The following FOXP2 variants were observed in gnomAD, a reference collection of about 807,000 sequenced individuals.
The protein encoded by FOXP2 is forkhead box protein P2.
Under a neutral mutation model 115.8 loss-of-function variants are expected in FOXP2, and 12 were observed. That is an observed-to-expected ratio of 0.10 (90% CI 0.07 to 0.17). The LOEUF is 0.17. FOXP2 is among the 10% of genes least tolerant of loss of function. The pLI is 1.00. For missense variants in FOXP2, 629 were observed against 843.5 expected (o/e 0.75, Z 3.15); for synonymous variants, 328 against 297.7 (o/e 1.10, Z -1.05).
intron 8 of FOXP2, among the ~76,000 whole-genome samples, chr7:114,649,049 C>T (rs927344484): frequency 4.6e-5 from 7 of 152,070 alleles, no homozygotes; most frequent in East Asian, 1.9e-4. Flanking sequence ...TGTGTGTAAT[C>T]GCCTTGTTAG....
intron 1 of FOXP2, among the ~76,000 whole-genome samples, chr7:114,120,251 T>C (rs1282402800): frequency 2.6e-5 from 4 of 152,040 alleles, no homozygotes; most frequent in Non-Finnish European, 5.9e-5. Flanking sequence ...ACAGGATAAA[T>C]CAGTGTGGCT....
Position 114,303,014 on chromosome 7 carries a change from G to A in FOXP2, c.-11+14905G>A, listed in dbSNP as rs539277052. On this transcript the variant is annotated intron_variant, in intron 2 of 17. Transcript: ENST00000634411. The stretch of plus-strand genomic sequence containing the variant: ...TGGTTTATACCTTAACTGCAATCTT[G>A]TGAGAGCCCGAGCAGATGACTCAGC... Among the ~76,000 whole-genome samples, 44 of 152,262 alleles carry A rather than the reference G, an allele frequency of 2.9e-4. No homozygotes were observed. The South Asian group carries it at 8.7e-3, about 30-fold the overall frequency.
intron 2 of FOXP2, among the ~76,000 whole-genome samples, chr7:114,394,596 A>T (rs1282812065): frequency 1.3e-5 from 2 of 152,224 alleles, no homozygotes; most frequent in Non-Finnish European, 2.9e-5. Flanking sequence ...CAAAGTGAAC[A>T]TTATAAGAGA....
At chr7:114,560,513 G>A (rs1319633382) in intron 3 of FOXP2, among the ~76,000 whole-genome samples, 3 of 152,118 alleles carry the variant, frequency 2.0e-5, no homozygotes, top group Non-Finnish European at 4.4e-5. Context: ...CTACTTGGGA[G>A]GCAGAGGCAC....
chr7:114,393,148 G>C (rs1792647731), intron 2 of FOXP2, among the ~76,000 whole-genome samples: 1 of 151,922 alleles, frequency 6.6e-6, no homozygotes, highest in Admixed American at 6.6e-5. Context: ...CAATTGTTCT[G>C]GATAAGTTAT....
At chr7:114,199,699 G>A (rs998970077) in intron 1 of FOXP2, among the ~76,000 whole-genome samples, 1 of 152,296 alleles carries the variant, frequency 6.6e-6, no homozygotes, top group Non-Finnish European at 1.5e-5. Flanking sequence ...AGAATGGTCT[G>A]ACAAAATAGC....
intron 2 of FOXP2, among the ~76,000 whole-genome samples, chr7:114,489,696 A>G (rs1010952179): frequency 6.6e-6 from 1 of 151,982 alleles, no homozygotes; most frequent in Non-Finnish European, 1.5e-5. Flanking sequence ...TTCATTTCCA[A>G]CTGTGAAGTT....
intron 2 of FOXP2, among the ~76,000 whole-genome samples, chr7:114,489,104 G>T (rs988526484): frequency 6.6e-6 from 1 of 152,108 alleles, no homozygotes; most frequent in Non-Finnish European, 1.5e-5. Context: ...CTTGATTTTA[G>T]AAGTTAAAAA....
At chr7:114,565,559 T>G (rs1457766770) in intron 3 of FOXP2, among the ~76,000 whole-genome samples, 1 of 152,122 alleles carries the variant, frequency 6.6e-6, no homozygotes, top group Non-Finnish European at 1.5e-5. Context: ...AACAAGCTTC[T>G]CCAAAGATTA....
intron 3 of FOXP2, among the ~76,000 whole-genome samples, chr7:114,593,369 G>A (rs1464742085): frequency 2.6e-5 from 4 of 151,968 alleles, no homozygotes; most frequent in East Asian, 1.9e-4. Context: ...TATTTTTGAC[G>A]TATCCTTTCA....
At chr7:114,146,383 T>G (rs1708097509) in intron 1 of FOXP2, among the ~76,000 whole-genome samples, 1 of 152,224 alleles carries the variant, frequency 6.6e-6, no homozygotes. Flanking sequence ...AACCTCACCT[T>G]TTATTTTCTT....
intron 3 of FOXP2, among the ~76,000 whole-genome samples, chr7:114,601,981 A>ATG: frequency 6.6e-6 from 1 of 152,090 alleles, no homozygotes; most frequent in East Asian, 1.9e-4. Flanking sequence ...ATAGAGATAT[A>ATG]TGTGTGTGTA....
At chr7:114,119,979 A>G (rs767631160) in intron 1 of FOXP2, among the ~76,000 whole-genome samples, 2 of 152,144 alleles carry the variant, frequency 1.3e-5, no homozygotes, top group Non-Finnish European at 2.9e-5. Flanking sequence ...CCTACTTTGA[A>G]TAGTACATAC....
intron 16 of FOXP2, chr7:114,667,472 T>G (rs1272615879): frequency 6.6e-6 from 1 of 152,094 alleles, no homozygotes; most frequent in East Asian, 1.9e-4. Flanking sequence ...AAGGACTTAT[T>G]ATAGGTAGCA....
chr7:114,628,999 A>G (rs1804745685), intron 4 of FOXP2: 2 of 319,444 alleles, frequency 6.3e-6, no homozygotes, highest in South Asian at 3.0e-5. Flanking sequence ...AATACTTACC[A>G]GATAATAGTT....
At chr7:114,410,302 G>C (rs1465860626), upstream of FOXP2, among the ~76,000 whole-genome samples, 1 of 151,978 alleles carries the variant, frequency 6.6e-6, no homozygotes, top group Non-Finnish European at 1.5e-5. Flanking sequence ...ACTTTCCCAT[G>C]ACACCCAACA....
At chr7:114,166,276 A>T (rs898075534) in intron 1 of FOXP2, among the ~76,000 whole-genome samples, 3 of 152,186 alleles carry the variant, frequency 2.0e-5, no homozygotes, top group Non-Finnish European at 4.4e-5. Flanking sequence ...AAAATTAAAA[A>T]TTTCTATTTT....
chr7:114,333,085 G>C (rs1797751439), intron 2 of FOXP2, among the ~76,000 whole-genome samples: 1 of 152,032 alleles, frequency 6.6e-6, no homozygotes, highest in African/African-American at 2.4e-5. Flanking sequence ...GGAGAAAATA[G>C]ATAATTCTCG....
intron 1 of FOXP2, among the ~76,000 whole-genome samples, chr7:114,256,778 G>A (rs1288845461): frequency 1.3e-5 from 2 of 152,168 alleles, no homozygotes; most frequent in African/African-American, 2.4e-5. Context: ...TATAAACTCT[G>A]CTCAAGGAAA....
Sources: allele counts gnomAD v4.1 joint callset (sites outside exome capture counted in the v4.1 genomes callset), GRCh38; gene constraint gnomAD v4.1.1; transcripts MANE v1.5; gene names NCBI Gene and HGNC (gene_info 2026-07-23, HGNC 2026-07-21).